CPLANE1: variants seen among roughly 807,000 people sequenced by gnomAD.
CPLANE1 encodes ciliogenesis and planar polarity effector 1.
A neutral mutation model predicts 362.5 loss-of-function variants in CPLANE1; 263 were observed. The observed-to-expected ratio is 0.73, with a 90% CI of 0.66 to 0.80. The LOEUF is 0.80. CPLANE1 is among the 30% of genes least tolerant of loss of function. CPLANE1 has a pLI of 0.00. For missense variants in CPLANE1, 3,461 were observed against 3,793.4 expected (o/e 0.91, Z 2.30); for synonymous variants, 1,212 against 1,302.6 (o/e 0.93, Z 1.50).
At chr5:37,217,484 G>A (rs776576543) in intron 15 of CPLANE1, among the ~76,000 whole-genome samples, 1 of 151,826 alleles carries the variant, frequency 6.6e-6, no homozygotes, top group Non-Finnish European at 1.5e-5. Flanking sequence ...GTGCACGCTT[G>A]TAATCCCAGC....
chr5:37,135,261 T>G (rs1249962570), intron 46 of CPLANE1, among the ~76,000 whole-genome samples: 2 of 152,226 alleles, frequency 1.3e-5, no homozygotes, highest in African/African-American at 4.8e-5. Flanking sequence ...TAGTGTGGTT[T>G]TGAGAGGTCT....
chr5:37,087,070 C>T, the CPLANE1 span, among the ~76,000 whole-genome samples: 3 of 152,172 alleles, frequency 2.0e-5, no homozygotes, highest in East Asian at 5.8e-4. Context: ...AGTGTTGAAA[C>T]AGCTGCTTAA....
chr5:37,223,272 T>G (rs975605325), intron 14 of CPLANE1, among the ~76,000 whole-genome samples: 1 of 152,248 alleles, frequency 6.6e-6, no homozygotes, highest in African/African-American at 2.4e-5. Context: ...ATTTTAAATG[T>G]CAACTCCAAG....
rs1739348640 is a variant in CPLANE1, at chr5:37,245,524, T to G, written c.292A>C (p.Ile98Leu). Reference protein sequence around the residue: ...WNKDQDCLKTIPITEKPKEMI... With the variant: ...WNKDQDCLKTLPITEKPKEMI... ...TCCTTAGGCTTTTCAGTTATTGGTA[T>G]AGTTTTCAAACAATCTTGATCTTTG... Residue 98 changes from isoleucine to leucine, a missense_variant, in exon 4 of 53, where the codon ATA becomes CTA. Ile to Leu is a conservative substitution (Grantham distance 5). Coordinates refer to ENST00000651892, the MANE Select transcript of CPLANE1 (RefSeq NM_001384732.1). The G allele has an allele frequency of 2.7e-6, 4 of 1,504,974 alleles. No individual in the cohort carries two copies. The East Asian group carries it at 7.7e-5, about 29-fold the overall frequency. The allele number at this position is 1,504,974 out of a possible 1,614,324, so 93.2% of individuals were successfully genotyped here.
intron 15 of CPLANE1, among the ~76,000 whole-genome samples, chr5:37,215,151 G>A (rs1793688533): frequency 6.6e-6 from 1 of 152,130 alleles, no homozygotes. Flanking sequence ...CTGGGTTCAA[G>A]TGATTCTCCT....
chr5:37,196,454 T>G (rs1245847555), intron 20 of CPLANE1, among the ~76,000 whole-genome samples: 1 of 152,160 alleles, frequency 6.6e-6, no homozygotes, highest in Non-Finnish European at 1.5e-5. Context: ...ATAATGACTC[T>G]AGGCAAGGAT....
intron 21 of CPLANE1, among the ~76,000 whole-genome samples, chr5:37,190,748 G>A (rs1161850708): frequency 6.6e-6 from 1 of 152,122 alleles, no homozygotes; most frequent in East Asian, 1.9e-4. Context: ...AGATTATAAT[G>A]GAGCTGAAAA....
chr5:37,167,128 T>A lies in CPLANE1; in HGVS notation c.7319A>T (p.Gln2440Leu). The A allele has an allele frequency of 6.2e-7, 1 of 1,613,508 alleles. No individual in the cohort carries two copies. The highest frequency in any genetic ancestry group is 1.1e-5 in the South Asian group (1 of 91,010). Reference protein sequence around the residue: ...QQKLTHNLFEQGDAGHLQLLK... With the variant: ...QQKLTHNLFELGDAGHLQLLK... The stretch of plus-strand genomic sequence containing the variant: ...AAGTTGAAGGTGTCCAGCATCACCT[T>A]GTTCAAATAAATTATGTGTTAGTTT... The change falls in exon 35 of 53, where the codon CAA becomes CTA. Residue 2440 changes from glutamine to leucine, a missense_variant. Around this residue, in one of 2 missense-constraint regions of CPLANE1, gnomAD observed 3,380 missense variants for 3,666.1 expected, o/e 0.92. Transcript: ENST00000651892.
At chr5:37,102,358 T>A (rs1249100413), downstream of CPLANE1, among the ~76,000 whole-genome samples, 1 of 152,058 alleles carries the variant, frequency 6.6e-6, no homozygotes, top group Non-Finnish European at 1.5e-5. Flanking sequence ...CGGCTAATTT[T>A]TGTATTTTTA....
chr5:37,208,966 A>ACATGCG (rs1791765686), intron 16 of CPLANE1, among the ~76,000 whole-genome samples: 1 of 151,538 alleles, frequency 6.6e-6, no homozygotes, highest in South Asian at 2.1e-4. Flanking sequence ...AAAAAAGAAA[A>ACATGCG]CATGCGCATG....
At position 37,230,617 on chromosome 5, in the gene CPLANE1, A is replaced by G. The variant is rs76304020; in HGVS notation, c.1121+250T>C. On this transcript the variant is annotated intron_variant, in intron 9 of 52. Coordinates refer to ENST00000651892, the MANE Select transcript of CPLANE1 (RefSeq NM_001384732.1). ...ACTTTATTAACTTTTATATCAAAGA[A>G]GATAATTTTTCGTGCTATTAAATAT... is the stretch of plus-strand genomic sequence containing the variant. 0.12 allele frequency among the ~76,000 whole-genome samples: 17,729 copies of G among 152,122 alleles called. 1,100 individuals are homozygous for G. The highest frequency in any genetic ancestry group is 0.16 in the Admixed American group (2,377 of 15,282).
the CPLANE1 span, among the ~76,000 whole-genome samples, chr5:37,078,921 G>A: frequency 2.0e-5 from 3 of 151,986 alleles, no homozygotes; most frequent in Non-Finnish European, 2.9e-5. Flanking sequence ...TTGTAAATTT[G>A]TTTAAGTTAT....
chr5:37,188,494 G>C (rs1324188141), intron 21 of CPLANE1, among the ~76,000 whole-genome samples: 1 of 152,204 alleles, frequency 6.6e-6, no homozygotes, highest in Non-Finnish European at 1.5e-5. Context: ...AGGATCGTTT[G>C]AGCCCAGGAG....
At chr5:37,154,499 G>T (rs188324636) in intron 41 of CPLANE1, among the ~76,000 whole-genome samples, 49 of 90,714 alleles carry the variant, frequency 5.4e-4, no homozygotes, top group Admixed American at 9.8e-4. Flanking sequence ...ATAGAGCCTT[G>T]CTTTGTCACC....
intron 34 of CPLANE1, among the ~76,000 whole-genome samples, chr5:37,168,095 A>T (rs1257093964): frequency 6.6e-6 from 1 of 152,234 alleles, no homozygotes; most frequent in East Asian, 1.9e-4. Flanking sequence ...TACCTCCCTA[A>T]GATAGTACTG....
At chr5:37,180,258 TTG>T in intron 27 of CPLANE1, 75 bp from the exon 28 acceptor site, 1 of 1,057,018 alleles carries the variant, frequency 9.5e-7, no homozygotes, top group Non-Finnish European at 1.3e-6. Flanking sequence ...GGTTTTTTTT[TTG>T]TTTTTTTTTT....
At chr5:37,140,363 T>A in intron 44 of CPLANE1, 1 of 981,712 alleles carries the variant, frequency 1.0e-6, no homozygotes, top group Non-Finnish European at 1.2e-6. Context: ...CTATTTAATT[T>A]ATTAACCTCC....
chr5:37,183,374 G>A lies in CPLANE1; in HGVS notation c.4807C>T (p.His1603Tyr), dbSNP rs896453652. The A allele has an allele frequency of 2.5e-6, 4 of 1,612,598 alleles. No homozygotes were observed. The highest frequency in any genetic ancestry group is 2.2e-5 in the East Asian group (1 of 44,826). The part of the protein sequence containing the change: ...LFDVHTTLKR[H>Y]QSKTKSQNVF... ...TTCTGGCTTTTAGTTTTGCTCTGAT[G>A]TCGTTTTAATGTTGTATGTACATCA... Residue 1603 changes from histidine (H) to tyrosine (Y), a missense_variant, in exon 26 of 53, where the codon CAT (histidine) becomes TAT (tyrosine). Physicochemically the swap from His to Tyr is moderately conservative, Grantham distance 83 (BLOSUM62 2). Coordinates refer to ENST00000651892, the MANE Select transcript of CPLANE1 (RefSeq NM_001384732.1).
At chr5:37,208,158 C>T (rs1455804016) in intron 16 of CPLANE1, among the ~76,000 whole-genome samples, 1 of 152,182 alleles carries the variant, frequency 6.6e-6, no homozygotes, top group Non-Finnish European at 1.5e-5. Context: ...TAATGTTGCC[C>T]AGGCTGATCT....
Sources: allele counts gnomAD v4.1 joint callset (sites outside exome capture counted in the v4.1 genomes callset), GRCh38; gene constraint gnomAD v4.1.1; regional missense constraint gnomAD v4.1.1; transcripts MANE v1.5; gene names NCBI Gene and HGNC (gene_info 2026-07-23, HGNC 2026-07-21).